KCNN4: variants seen among roughly 807,000 people sequenced by gnomAD.
KCNN4 encodes the protein potassium calcium-activated channel subfamily N member 4.
KCNN4 carries 31 observed loss-of-function variants against 45.2 expected under a neutral mutation model. The observed-to-expected ratio is 0.69, with a 90% CI of 0.52 to 0.92. The LOEUF (loss-of-function observed/expected upper bound fraction) is 0.92, where lower values mean the gene tolerates loss of function less well. Among genes scored for constraint, KCNN4 ranks in the 40% least tolerant of loss-of-function variants. KCNN4 has a pLI of 0.00. For missense variants in KCNN4, 463 were observed against 574.0 expected, an observed-to-expected ratio of 0.81 and a Z score of 1.98; for synonymous variants, 231 against 254.6, an observed-to-expected ratio of 0.91 and a Z score of 0.88.
At chr19:43,767,476 A>C (rs1312412702) in intron 8 of KCNN4, 64 bp downstream of exon 8, 1 of 1,558,038 alleles carries the variant, frequency 6.4e-7, no homozygotes, top group East Asian at 2.3e-5. Context: ...TTAGCCACAT[A>C]GGGTGCTGGC....
intron 1 of KCNN4, among the ~76,000 whole-genome samples, chr19:43,777,073 G>T (rs905188449): frequency 2.6e-5 from 4 of 152,046 alleles, no homozygotes; most frequent in Non-Finnish European, 5.9e-5. Flanking sequence ...AACAGAGCGA[G>T]TCTCCGTCTC....
intron 1 of KCNN4, among the ~76,000 whole-genome samples, chr19:43,778,732 A>G (rs902671377): frequency 1.3e-5 from 2 of 149,032 alleles, no homozygotes; most frequent in Non-Finnish European, 3.0e-5. Context: ...CTCCTCCTCC[A>G]CCCCACCTGG....
intron 2 of KCNN4, among the ~76,000 whole-genome samples, chr19:43,775,119 AG>A (rs1278111558): frequency 6.6e-6 from 1 of 152,232 alleles, no homozygotes; most frequent in Non-Finnish European, 1.5e-5. Flanking sequence ...TGAGGTCAAG[AG>A]TTTGAGACAA....
intron 2 of KCNN4, among the ~76,000 whole-genome samples, chr19:43,775,400 T>G (rs993799425): frequency 7.2e-5 from 11 of 152,168 alleles, no homozygotes; most frequent in Admixed American, 5.9e-4. Flanking sequence ...TACTGCTCTA[T>G]CCCGTTTACA....
chr19:43,772,452 G>A lies in KCNN4; in HGVS notation c.684-317C>T, dbSNP rs193225300. 5.1e-4 allele frequency among the ~76,000 whole-genome samples: 78 copies of A among 152,230 alleles called. No individual in the cohort carries two copies. In the East Asian group the frequency reaches 6.6e-3, roughly 13 times the overall value. The stretch of plus-strand genomic sequence containing the variant: ...CCCGGGCTGCTGTAGCATTCAGAGC[G>A]TGTGGTTGAGGGTGGAGAGTCGATA... On this transcript the variant is annotated intron_variant, in intron 3 of 8. Coordinates refer to ENST00000648319, the MANE Select transcript of KCNN4 (RefSeq NM_002250.3). This position sits in a 1 kb window ranked among gnomAD's most constrained non-coding sequence, Gnocchi z 4.4.
intron 4 of KCNN4, 41 bp downstream of exon 4, chr19:43,771,959 G>A: frequency 6.4e-7 from 1 of 1,554,708 alleles, no homozygotes; most frequent in South Asian, 1.2e-5. Flanking sequence ...AGGATGACCA[G>A]TTTGGGATAG....
At position 43,776,651 on chromosome 19, in the gene KCNN4, G is replaced by A. The variant is rs111452808; in HGVS notation, c.160-15C>T. On this transcript the variant is annotated splice_polypyrimidine_tract_variant and intron_variant, in intron 1 of 8. Transcript: ENST00000648319. ...TAGAGCGCCCACTGTCAGGGGGGAC[G>A]GAAAAAGCGGTGTGAGATCCCAGGT... 381 of 1,563,752 alleles carry A rather than the reference G, an allele frequency of 2.4e-4. 1 individual carries two copies. In the African/African-American group the frequency reaches 4.3e-3, roughly 18 times the overall value.
rs1049763454 is a variant in KCNN4 at position 43,769,782 on chromosome 19, C to T, written c.867G>A (p.Leu289=). Residue 289 remains leucine, a synonymous_variant, in exon 5 of 9, where the codon CTG becomes CTA. Transcript: ENST00000648319. The surrounding 1 kb of genome is among the most constrained non-coding windows in gnomAD (Gnocchi z 4.4). The part of the protein sequence containing the change: ...ALLVAVVARK[L]EFNKAEKHVH... ...CGTGCTTCTCTGCCTTGTTAAACTC[C>T]AGCTTCCGGGCCACCACGGCCACCA... 1 of 1,613,758 alleles carries T rather than the reference C, an allele frequency of 6.2e-7. No individual in the cohort carries two copies. The highest frequency in any genetic ancestry group is 2.2e-5 in the East Asian group (1 of 44,856).
At position 43,769,758 on chromosome 19, in the gene KCNN4, G is replaced by A. The variant is rs766786192; in HGVS notation, c.891C>T (p.His297=). ...GGATATCCATCATGAAGTTGTGCACGTGCTTCTCTGCCTTGTTAAACTCCA... is the reference window on the plus strand; with the variant it reads ...GGATATCCATCATGAAGTTGTGCACATGCTTCTCTGCCTTGTTAAACTCCA... The part of the protein sequence containing the change: ...RKLEFNKAEK[H]VHNFMMDIQY... The change falls in exon 5 of 9, where the codon CAC becomes CAT. Residue 297 remains histidine (H), a synonymous_variant. Transcript: ENST00000648319. The surrounding 1 kb of genome is among the most constrained non-coding windows in gnomAD (Gnocchi z 4.4). 5.0e-6 allele frequency: 8 copies of A among 1,613,866 alleles called. No homozygotes were observed. The highest frequency in any genetic ancestry group is 4.5e-5 in the East Asian group (2 of 44,852).
At chr19:43,777,803 CA>C (rs1284460728) in intron 1 of KCNN4, among the ~76,000 whole-genome samples, 1 of 151,956 alleles carries the variant, frequency 6.6e-6, no homozygotes, top group African/African-American at 2.4e-5. Context: ...CGGGTATTTG[CA>C]GGGGGAGGGG....
intron 2 of KCNN4, among the ~76,000 whole-genome samples, chr19:43,775,665 G>C (rs911271899): frequency 6.6e-6 from 1 of 152,170 alleles, no homozygotes; most frequent in African/African-American, 2.4e-5. Flanking sequence ...TGATAGGAGA[G>C]GGGGAAGAGG....
Position 43,774,129 on chromosome 19 carries a change from C to G in KCNN4, c.683+63G>C. 2.7e-6 allele frequency: 4 copies of G among 1,503,874 alleles called. No individual in the cohort carries two copies. Among genetic ancestry groups the G allele is most frequent in the Non-Finnish European group, 3.6e-6 (4 of 1,112,932 alleles). 93.2% of individuals were successfully genotyped at this position (1,503,874 alleles called of 1,614,324 possible). On this transcript the variant is annotated intron_variant, in intron 3 of 8. Coordinates refer to ENST00000648319, the MANE Select transcript of KCNN4 (RefSeq NM_002250.3). The surrounding 1 kb of genome is among the most constrained non-coding windows in gnomAD (Gnocchi z 5.6). ...GGGGGCCTCAACCTGCACCGCGGCA[C>G]AGGACGGCCGCCGTGGCTGTCCGGG...
At position 43,774,800 on chromosome 19, in the gene KCNN4, C is replaced by G. The variant is rs1460425282; in HGVS notation, c.256-181G>C. ...ACAGGACTTGAGGAAGACATCTTTC[C>G]ACTTTTTCCTCCTTCCCCACCACCC... On this transcript the variant is annotated intron_variant, in intron 2 of 8. Coordinates refer to ENST00000648319, the MANE Select transcript of KCNN4 (RefSeq NM_002250.3). The surrounding 1 kb of genome is among the most constrained non-coding windows in gnomAD (Gnocchi z 5.6). Among the ~76,000 whole-genome samples the G allele has an allele frequency of 6.6e-6, 1 of 152,130 alleles. No individual in the cohort carries two copies. Among genetic ancestry groups the G allele is most frequent in the East Asian group, 1.9e-4 (1 of 5,178 alleles).
At position 43,769,690 on chromosome 19, in the gene KCNN4, G is replaced by A. The variant is rs770210142; in HGVS notation, c.930+29C>T. On this transcript the variant is annotated intron_variant, in intron 5 of 8. Transcript: ENST00000648319. This position sits in a 1 kb window ranked among gnomAD's most constrained non-coding sequence, Gnocchi z 4.4. ...GACTCCTGCTTCTTGGAAGAGGGGT[G>A]TCCCATGGGTGCCATATGCCCATCT... 3.8e-6 allele frequency: 6 copies of A among 1,581,752 alleles called. No individual in the cohort carries two copies. The highest frequency in any genetic ancestry group is 2.2e-5 in the East Asian group (1 of 44,674).
At chr19:43,775,064 G>A (rs576959667) in intron 2 of KCNN4, among the ~76,000 whole-genome samples, 1 of 152,312 alleles carries the variant, frequency 6.6e-6, no homozygotes, top group South Asian at 2.1e-4. Context: ...GATGGCTTAC[G>A]CCTGTAATCC....
At chr19:43,778,916 G>A (rs1347272230) in intron 1 of KCNN4, among the ~76,000 whole-genome samples, 5 of 152,160 alleles carry the variant, frequency 3.3e-5, no homozygotes, top group African/African-American at 1.2e-4. Flanking sequence ...GTCCTCAAAA[G>A]GGGACTGAGG....
Position 43,769,289 on chromosome 19 carries a change from A to G in KCNN4, c.1049+153T>C. 1.4e-6 allele frequency: 1 copy of G among 709,434 alleles called. No individual in the cohort carries two copies. Among genetic ancestry groups the G allele is most frequent in the Non-Finnish European group, 2.5e-6 (1 of 403,534 alleles). The allele number at this position is 709,434 out of a possible 1,614,324, so 43.9% of individuals were successfully genotyped here. ...CCAGCACAGACACATAGAGTCATGC[A>G]CGGTCAGATCCAGGTGAGACCTGGA... On this transcript the variant is annotated intron_variant, in intron 6 of 8. Coordinates refer to ENST00000648319, the MANE Select transcript of KCNN4 (RefSeq NM_002250.3). This position sits in a 1 kb window ranked among gnomAD's most constrained non-coding sequence, Gnocchi z 4.4.
At position 43,772,217 on chromosome 19, in the gene KCNN4, C is replaced by T. The variant is rs890495616; in HGVS notation, c.684-82G>A. ...CACTCCCCTTCCCTCTATACCCTCC[C>T]ATCCCCTTCCCTCTGGTTCCCTCCC... On this transcript the variant is annotated intron_variant, in intron 3 of 8. Coordinates refer to ENST00000648319, the MANE Select transcript of KCNN4 (RefSeq NM_002250.3). This position sits in a 1 kb window ranked among gnomAD's most constrained non-coding sequence, Gnocchi z 4.4. 1.9e-4 allele frequency: 290 copies of T among 1,492,308 alleles called. No homozygotes were observed. The highest frequency in any genetic ancestry group is 2.5e-4 in the Non-Finnish European group (274 of 1,099,074). The allele number at this position is 1,492,308 out of a possible 1,614,324, so 92.4% of individuals were successfully genotyped here.
In KCNN4 at chr19:43,774,241, T is replaced by C; in HGVS notation, c.634A>G (p.Thr212Ala). 1 of 1,613,250 alleles carries C rather than the reference T, an allele frequency of 6.2e-7. No individual in the cohort carries two copies. The highest frequency in any genetic ancestry group is 1.1e-5 in the South Asian group (1 of 90,916). ...THPGRLLLGL[T>A]LGLWLTTAWV... ...GCGGTGGTCAGCCAGAGGCCAAGCGTGAGGCCGAGCAGCAGGCGGCCAGGG... is the reference window on the plus strand; with the variant it reads ...GCGGTGGTCAGCCAGAGGCCAAGCGCGAGGCCGAGCAGCAGGCGGCCAGGG... Residue 212 changes from threonine to alanine, a missense_variant, in exon 3 of 9, where the codon ACG (threonine) becomes GCG (alanine). Transcript: ENST00000648319. This position sits in a 1 kb window ranked among gnomAD's most constrained non-coding sequence, Gnocchi z 5.6.
Sources: allele counts gnomAD v4.1 joint callset (sites outside exome capture counted in the v4.1 genomes callset), GRCh38; gene constraint gnomAD v4.1.1; non-coding constraint Gnocchi (gnomAD v3.1); transcripts MANE v1.5; gene names NCBI Gene and HGNC (gene_info 2026-07-23, HGNC 2026-07-21).